PTPRN2: variants seen among roughly 807,000 people sequenced by gnomAD.
PTPRN2 encodes protein tyrosine phosphatase receptor type N2.
PTPRN2 carries 74 observed loss-of-function variants against 118.8 expected under a neutral mutation model. That is an observed-to-expected ratio of 0.62 (90% CI 0.52 to 0.76). PTPRN2 has a LOEUF of 0.76. Among genes scored for constraint, PTPRN2 ranks in the 30% least tolerant of loss-of-function variants. The pLI, the probability that PTPRN2 is intolerant of heterozygous loss-of-function variation, is 0.00. For synonymous variants in PTPRN2, 641 were observed against 608.0 expected (o/e 1.05, Z -0.80); for missense variants, 1,481 against 1,394.4 (o/e 1.06, Z -0.99).
At chr7:157,925,831 T>C (rs574301927) in intron 11 of PTPRN2, among the ~76,000 whole-genome samples, 3 of 150,916 alleles carry the variant, frequency 2.0e-5, no homozygotes, top group Non-Finnish European at 4.4e-5. Context: ...AGTGACGTGA[T>C]GGTAAACAGA....
At chr7:158,317,132 A>G (rs1337553597) in intron 2 of PTPRN2, among the ~76,000 whole-genome samples, 200 bp from the exon 3 acceptor site, 3 of 152,036 alleles carry the variant, frequency 2.0e-5, no homozygotes, top group Non-Finnish European at 2.9e-5. Context: ...ATCACGGAAA[A>G]CACAAATGCC....
At chr7:158,513,805 A>C (rs971308867) in intron 1 of PTPRN2, among the ~76,000 whole-genome samples, 1 of 152,212 alleles carries the variant, frequency 6.6e-6, no homozygotes, top group Non-Finnish European at 1.5e-5. Context: ...GGCAGCGGGA[A>C]TGTTTTGGCC....
rs1191161599 is a variant in PTPRN2 at position 157,611,991 on chromosome 7, C to G, written c.2345-7916G>C. Among the ~76,000 whole-genome samples, 1 of 152,180 alleles carries G rather than the reference C, an allele frequency of 6.6e-6. No homozygotes were observed. Among genetic ancestry groups the G allele is most frequent in the African/African-American group, 2.4e-5 (1 of 41,454 alleles). On this transcript the variant is annotated intron_variant, in intron 15 of 22. Coordinates refer to ENST00000389418, the MANE Select transcript of PTPRN2 (RefSeq NM_002847.5). The surrounding 1 kb of genome is among the most constrained non-coding windows in gnomAD (Gnocchi z 5.9). Reference sequence around the variant, plus strand: ...CCAGAGAAGCCAGCCCTGCTGACACCCTGACCTCCATTTCTGGCCTCCGGA... The same window carrying G: ...CCAGAGAAGCCAGCCCTGCTGACACGCTGACCTCCATTTCTGGCCTCCGGA...
rs542022978 is a variant in PTPRN2, at chr7:158,130,924, C to CACACTCAT, written c.1556+2752_1556+2753insATGAGTGT. Among the ~76,000 whole-genome samples, 233 of 150,834 alleles carry CACACTCAT rather than the reference C, an allele frequency of 1.5e-3. 1 individual carries two copies. The highest frequency in any genetic ancestry group is 4.4e-3 in the African/African-American group (181 of 40,992). On this transcript the variant is annotated intron_variant, in intron 9 of 22. Transcript: ENST00000389418. ...ACATCTACCGACACACACACTCATA[C>CACACTCAT]ACACACATGCATATGCACAAACTGA... is the stretch of plus-strand genomic sequence containing the variant.
chr7:157,656,610 C>G, intron 13 of PTPRN2, 59 bp from the exon 14 acceptor site: 1 of 1,416,554 alleles, frequency 7.1e-7, no homozygotes. Context: ...CCCAGCAGGA[C>G]GAGGGCCACG....
intron 6 of PTPRN2, among the ~76,000 whole-genome samples, chr7:158,151,571 GGGT>G (rs1380395000): frequency 2.6e-5 from 4 of 151,044 alleles, no homozygotes; most frequent in Admixed American, 6.6e-5. Flanking sequence ...GCCTGTGGTG[GGGT>G]GGTGGTGGTG....
chr7:158,259,244 G>A (rs1000781823), intron 3 of PTPRN2, among the ~76,000 whole-genome samples: 4 of 152,314 alleles, frequency 2.6e-5, no homozygotes, highest in African/African-American at 9.6e-5. Context: ...CCAACACAAT[G>A]CTAAAGGGCC....
intron 3 of PTPRN2, among the ~76,000 whole-genome samples, chr7:158,283,446 G>C (rs1424783839): frequency 6.6e-6 from 1 of 152,162 alleles, no homozygotes; most frequent in African/African-American, 2.4e-5. Flanking sequence ...CCACTGAGAG[G>C]GTAACCAGGC....
chr7:158,016,693 C>T (rs1806482416), intron 11 of PTPRN2, among the ~76,000 whole-genome samples: 1 of 152,322 alleles, frequency 6.6e-6, no homozygotes, highest in Admixed American at 6.5e-5. Flanking sequence ...TTCCATCCAG[C>T]GTGTGCTGAA....
intron 12 of PTPRN2, among the ~76,000 whole-genome samples, chr7:157,895,062 AG>A (rs1288370110): frequency 6.6e-6 from 1 of 150,862 alleles, no homozygotes. Context: ...CCCCCACAGG[AG>A]GGGGTCAGCA....
At chr7:158,160,417 G>C (rs73173646) in intron 6 of PTPRN2, among the ~76,000 whole-genome samples, 39,348 of 152,036 alleles carry the variant, frequency 0.26, 7,088 homozygotes, top group African/African-American at 0.52. Context: ...TCCAGGTTTG[G>C]CGGCCTTTGG....
intron 3 of PTPRN2, among the ~76,000 whole-genome samples, chr7:158,210,787 C>G (rs1398622478): frequency 6.6e-6 from 1 of 152,126 alleles, no homozygotes; most frequent in Admixed American, 6.5e-5. Context: ...AAAACCTGAA[C>G]AGATCAATAA....
At chr7:157,920,087 C>T (rs1356592941) in intron 11 of PTPRN2, among the ~76,000 whole-genome samples, 6 of 152,078 alleles carry the variant, frequency 3.9e-5, no homozygotes, top group Non-Finnish European at 8.8e-5. Flanking sequence ...GTGATGCTCG[C>T]ACAACGACGA....
chr7:158,148,685 CAT>C (rs1820485080), intron 6 of PTPRN2, among the ~76,000 whole-genome samples: 1 of 53,334 alleles, frequency 1.9e-5, no homozygotes, highest in Non-Finnish European at 4.4e-5. Context: ...TCTCACGCCA[CAT>C]GCCTTTCCCC....
chr7:158,133,758 T>C lies in PTPRN2; in HGVS notation c.1475A>G (p.Gln492Arg). The change falls in exon 9 of 23, where the codon CAG (glutamine) becomes CGG (arginine). Residue 492 changes from glutamine (Q) to arginine (R), a missense_variant. Around this residue, in one of 3 missense-constraint regions of PTPRN2, gnomAD observed 1,115 missense variants for 994.2 expected, o/e 1.12. Coordinates refer to ENST00000389418, the MANE Select transcript of PTPRN2 (RefSeq NM_002847.5). Reference sequence around the variant, plus strand: ...TTGCAGGCCGTCGCTGAGGGCCTCCTGAGCACCCGCTGGAAGGCTCTGCTC... The same window carrying C: ...TTGCAGGCCGTCGCTGAGGGCCTCCCGAGCACCCGCTGGAAGGCTCTGCTC... ...KEEQSLPAGA[Q>R]EALSDGLQLE... The C allele has an allele frequency of 1.9e-6, 3 of 1,613,768 alleles. No homozygotes were observed. Among genetic ancestry groups the C allele is most frequent in the Non-Finnish European group, 2.5e-6 (3 of 1,179,870 alleles).
intron 17 of PTPRN2, among the ~76,000 whole-genome samples, chr7:157,579,577 G>A (rs1184693900): frequency 1.3e-5 from 2 of 152,178 alleles, no homozygotes; most frequent in African/African-American, 4.8e-5. Context: ...ACTCGGCTCC[G>A]TGCCACCCAA....
At chr7:158,439,806 A>G (rs1816852952) in intron 2 of PTPRN2, among the ~76,000 whole-genome samples, 1 of 152,210 alleles carries the variant, frequency 6.6e-6, no homozygotes. Context: ...AGGCTTATTT[A>G]CGGGGTGCAC....
intron 2 of PTPRN2, among the ~76,000 whole-genome samples, chr7:158,474,821 C>T (rs1449641974): frequency 6.6e-6 from 1 of 152,202 alleles, no homozygotes; most frequent in East Asian, 1.9e-4. Flanking sequence ...GGGAAGCACT[C>T]GCTGTTCAGC....
At chr7:158,127,314 G>A (rs568574099) in intron 9 of PTPRN2, among the ~76,000 whole-genome samples, 5 of 151,642 alleles carry the variant, frequency 3.3e-5, no homozygotes, top group South Asian at 2.1e-4. Flanking sequence ...TGCACCCTGC[G>A]TCCTCCTCTG....
Sources: allele counts gnomAD v4.1 joint callset (sites outside exome capture counted in the v4.1 genomes callset), GRCh38; gene constraint gnomAD v4.1.1; regional missense constraint gnomAD v4.1.1; non-coding constraint Gnocchi (gnomAD v3.1); transcripts MANE v1.5; gene names NCBI Gene and HGNC (gene_info 2026-07-23, HGNC 2026-07-21).